Variants in PLRG1 observed in about 807,000 individuals in gnomAD.
PLRG1 encodes the protein pleiotropic regulator 1 (PRL1 homolog, Arabidopsis).
PLRG1 carries 28 observed loss-of-function variants against 74.9 expected under a neutral mutation model. That is an observed-to-expected ratio of 0.37 (90% CI 0.28 to 0.51). PLRG1 has a LOEUF of 0.51. Among genes scored for constraint, PLRG1 ranks in the 20% least tolerant of loss-of-function variants. PLRG1 has a pLI of 0.91. For missense variants in PLRG1, 445 were observed against 631.9 expected (o/e 0.70, Z 3.17); for synonymous variants, 197 against 212.4 (o/e 0.93, Z 0.63).
intron 7 of PLRG1, among the ~76,000 whole-genome samples, chr4:154,542,640 A>G (rs945443065): frequency 1.3e-5 from 2 of 152,236 alleles, no homozygotes; most frequent in African/African-American, 4.8e-5. Context: ...CTAAGTGTCC[A>G]TCATGAGGTG....
chr4:154,549,342 A>G (rs1276823767), intron 1 of PLRG1, among the ~76,000 whole-genome samples: 5 of 152,268 alleles, frequency 3.3e-5, no homozygotes, highest in Non-Finnish European at 7.3e-5. Context: ...GCGCTGAGTC[A>G]GGGAATGAAG....
At chr4:154,543,134 C>T (rs1729584463) in intron 7 of PLRG1, among the ~76,000 whole-genome samples, 1 of 152,078 alleles carries the variant, frequency 6.6e-6, no homozygotes. Flanking sequence ...TTGATCATTA[C>T]ACACTGTATG....
chr4:154,549,812 CAT>C (rs1240039287), intron 1 of PLRG1: 3 of 456,734 alleles, frequency 6.6e-6, no homozygotes, highest in Admixed American at 4.7e-5. Flanking sequence ...AATCAATAAA[CAT>C]GTGGGGTAAG....
At position 154,547,110 on chromosome 4, in the gene PLRG1, C is replaced by T. The variant is rs766764237; in HGVS notation, c.260-46G>A. The T allele has an allele frequency of 4.3e-5, 55 of 1,285,026 alleles. No homozygotes were observed. In the Admixed American group the frequency reaches 9.1e-4, roughly 21 times the overall value. The allele number at this position is 1,285,026 out of a possible 1,614,324, so 79.6% of individuals were successfully genotyped here. ...TCAACAGTAGTGAATTTACCTTATA[C>T]AAAAGTTATCATCTCTTTAAATGTA... On this transcript the variant is annotated intron_variant, in intron 3 of 14. Transcript: ENST00000499023.
intron 8 of PLRG1, 104 bp downstream of exon 8, chr4:154,542,083 A>C (rs759740703): frequency 1.4e-6 from 1 of 713,258 alleles, no homozygotes; most frequent in Non-Finnish European, 2.5e-6. Context: ...GGTCTAAAAT[A>C]ACAGAGGAAC....
At chr4:154,545,691 AT>A in intron 6 of PLRG1, 144 bp downstream of exon 6, 1 of 525,686 alleles carries the variant, frequency 1.9e-6, no homozygotes, top group East Asian at 3.2e-5. Flanking sequence ...AAATACGTTA[AT>A]TTACTACCAA....
chr4:154,549,177 C>T, intron 1 of PLRG1: 1 of 485,760 alleles, frequency 2.1e-6, no homozygotes, highest in Non-Finnish European at 3.9e-6. Context: ...TAAATATTTA[C>T]TGAGCTCCTA....
At chr4:154,538,290 C>T (rs1729491438) in intron 12 of PLRG1, among the ~76,000 whole-genome samples, 182 bp from the exon 13 acceptor site, 1 of 152,082 alleles carries the variant, frequency 6.6e-6, no homozygotes, top group Admixed American at 6.6e-5. Context: ...ATCAGACCTT[C>T]ACATTTTTAA....
At chr4:154,547,927 T>C (rs955775165) in intron 2 of PLRG1, 74 bp from the exon 3 acceptor site, 11 of 1,149,318 alleles carry the variant, frequency 9.6e-6, no homozygotes, top group Non-Finnish European at 1.3e-5. Flanking sequence ...AGTTTGCCCA[T>C]TCACGTAGAA....
intron 12 of PLRG1, 129 bp from the exon 13 acceptor site, chr4:154,538,237 C>A (rs762824238): frequency 6.8e-5 from 30 of 441,522 alleles, no homozygotes; most frequent in Non-Finnish European, 5.3e-5. Flanking sequence ...GCAAAATAGT[C>A]GTATCAAAAT....
chr4:154,535,106 T>G lies in PLRG1; in HGVS notation c.*1579A>C, dbSNP rs1729421148. On this transcript the variant is annotated 3_prime_UTR_variant, in exon 15 of 15. Coordinates refer to ENST00000499023, the MANE Select transcript of PLRG1 (RefSeq NM_002669.4). ...GCCACCCATGAAAGTTCTTCCATAA[T>G]TCTGCTTCCTAACAAAGCCACTGTT... 6.6e-6 allele frequency: 1 copy of G among 152,128 alleles called. No homozygotes were observed. The highest frequency in any genetic ancestry group is 1.5e-5 in the Non-Finnish European group (1 of 68,012). The allele number at this position is 152,128 out of a possible 1,614,324, so 9.4% of individuals were successfully genotyped here.
Position 154,537,277 on chromosome 4 carries a change from A to T in PLRG1, c.1485+9T>A, listed in dbSNP as rs1285401357. ...GTTTTACTTAACGAATGTGAAACAC[A>T]GAACTTACGGCTGTGTCATCCTCTC... On this transcript the variant is annotated intron_variant, in intron 14 of 14. Coordinates refer to ENST00000499023, the MANE Select transcript of PLRG1 (RefSeq NM_002669.4). The T allele has an allele frequency of 3.8e-6, 6 of 1,592,168 alleles. No homozygotes were observed. The highest frequency in any genetic ancestry group is 5.2e-6 in the Non-Finnish European group (6 of 1,163,742).
At position 154,535,576 on chromosome 4, in the gene PLRG1, A is replaced by T. The variant is rs78998191; in HGVS notation, c.*1109T>A. The stretch of plus-strand genomic sequence containing the variant: ...TGCAATTTTTTAATTTGGAAAATTT[A>T]AAAAATTGACTGTTCTTATAACTGT... On this transcript the variant is annotated 3_prime_UTR_variant, in exon 15 of 15. Coordinates refer to ENST00000499023, the MANE Select transcript of PLRG1 (RefSeq NM_002669.4). The T allele has an allele frequency of 4.0e-5, 6 of 151,528 alleles. No homozygotes were observed. Among genetic ancestry groups the T allele is most frequent in the East Asian group, 1.9e-4 (1 of 5,186 alleles). The allele number at this position is 151,528 out of a possible 1,614,324, so 9.4% of individuals were successfully genotyped here.
chr4:154,543,112 A>C (rs1327171864), intron 7 of PLRG1, among the ~76,000 whole-genome samples: 1 of 152,116 alleles, frequency 6.6e-6, no homozygotes, highest in African/African-American at 2.4e-5. Flanking sequence ...ATAATATCCC[A>C]ATTACCGTGA....
rs1729726991 is a variant in PLRG1 at position 154,549,867 on chromosome 4, A to G, written c.9+433T>C. On this transcript the variant is annotated intron_variant, in intron 1 of 14. Transcript: ENST00000499023. Reference sequence around the variant, plus strand: ...ACAGCGTTGGCTGTTCATGCCAGGGAAAGATGTAAAGAACGGCAAGTTTTT... The same window carrying G: ...ACAGCGTTGGCTGTTCATGCCAGGGGAAGATGTAAAGAACGGCAAGTTTTT... The G allele has an allele frequency of 1.2e-5, 5 of 422,952 alleles. No individual in the cohort carries two copies. In the Admixed American group the frequency reaches 1.4e-4, roughly 12 times the overall value. The allele number at this position is 422,952 out of a possible 1,614,324, so 26.2% of individuals were successfully genotyped here.
intron 10 of PLRG1, chr4:154,540,302 C>G: frequency 1.7e-6 from 1 of 578,838 alleles, no homozygotes. Context: ...GATGGGACTA[C>G]TTTTTAAGAC....
At chr4:154,545,686 C>A (rs916024118) in intron 6 of PLRG1, 150 bp downstream of exon 6, 1 of 517,636 alleles carries the variant, frequency 1.9e-6, no homozygotes, top group African/African-American at 2.0e-5. Context: ...CCAAAAAATA[C>A]GTTAATTTAC....
intron 1 of PLRG1, chr4:154,549,137 C>T (rs1729712950): frequency 1.8e-5 from 10 of 568,634 alleles, no homozygotes; most frequent in Non-Finnish European, 2.6e-5. Flanking sequence ...GGTTTAGCAA[C>T]TGAGTGATGC....
At chr4:154,548,972 A>T (rs1357830734) in intron 1 of PLRG1, 37 bp from the exon 2 acceptor site, 2 of 1,142,886 alleles carry the variant, frequency 1.7e-6, no homozygotes, top group South Asian at 2.5e-5. Flanking sequence ...CCTATCTACA[A>T]ATTACACAAA....
Sources: gnomAD v4.1 joint callset for allele counts (sites outside exome capture counted in the v4.1 genomes callset) on GRCh38, gnomAD v4.1.1 for gene constraint, MANE v1.5 for transcripts, NCBI Gene and HGNC (gene_info 2026-07-23, HGNC 2026-07-21) for gene names.